Variants in NME7 observed in about 807,000 individuals in gnomAD.
NME7 encodes nucleoside diphosphate kinase 7.
NME7 carries 41 observed loss-of-function variants against 49.1 expected under a neutral mutation model. The ratio of observed to expected loss-of-function variants is 0.83; its 90% CI spans 0.65 to 1.08. NME7 has a LOEUF of 1.08. NME7 is among the 50% of genes least tolerant of loss of function. The probability of loss-of-function intolerance (pLI) is 0.00; values close to 1 mark genes in which losing one functional copy is unlikely to be tolerated. For synonymous variants in NME7, 139 were observed against 150.6 expected (o/e 0.92, Z 0.56); for missense variants, 423 against 463.4 (o/e 0.91, Z 0.80).
chr1:169,334,008 C>G (rs1218892721), intron 1 of NME7, among the ~76,000 whole-genome samples: 1 of 152,176 alleles, frequency 6.6e-6, no homozygotes, highest in Non-Finnish European at 1.5e-5. Context: ...AAAATTACTT[C>G]ACAATAGGCA....
At chr1:169,243,846 G>T (rs10919106) in intron 7 of NME7, among the ~76,000 whole-genome samples, 57,335 of 151,928 alleles carry the variant, frequency 0.38, 11,528 homozygotes, top group East Asian at 0.79. Flanking sequence ...GAAAGTACTA[G>T]TATAATCTTC....
chr1:169,347,631 T>C (rs1477833079), intron 1 of NME7, among the ~76,000 whole-genome samples: 2 of 152,192 alleles, frequency 1.3e-5, no homozygotes, highest in African/African-American at 2.4e-5. Flanking sequence ...TATTCTTTTT[T>C]CTTTCAAGAA....
chr1:169,255,023 A>C (rs1285656039), intron 7 of NME7, among the ~76,000 whole-genome samples: 1 of 132,680 alleles, frequency 7.5e-6, no homozygotes, highest in Non-Finnish European at 1.7e-5. Context: ...TGTGGTGCTG[A>C]AAAAAATGTA....
At chr1:169,224,406 T>A (rs1661239724) in intron 10 of NME7, among the ~76,000 whole-genome samples, 1 of 152,192 alleles carries the variant, frequency 6.6e-6, no homozygotes, top group African/African-American at 2.4e-5. Flanking sequence ...TCTTTCCAAG[T>A]CTGAACCTTC....
intron 1 of NME7, among the ~76,000 whole-genome samples, chr1:169,326,217 G>A (rs1202148312): frequency 3.9e-5 from 6 of 152,058 alleles, no homozygotes; most frequent in Admixed American, 3.9e-4. Flanking sequence ...TCTGAATTGG[G>A]CAGCAGAATT....
chr1:169,186,311 T>A (rs1436316405), intron 10 of NME7, among the ~76,000 whole-genome samples: 2 of 152,130 alleles, frequency 1.3e-5, no homozygotes, highest in African/African-American at 4.8e-5. Context: ...TAGACACTAT[T>A]TTGCAACTTA....
At chr1:169,352,771 C>A (rs1653225112) in intron 1 of NME7, among the ~76,000 whole-genome samples, 1 of 151,652 alleles carries the variant, frequency 6.6e-6, no homozygotes, top group African/African-American at 2.4e-5. Flanking sequence ...CAACAGTGAA[C>A]AATCTGAAAA....
intron 5 of NME7, among the ~76,000 whole-genome samples, chr1:169,300,982 C>T (rs1174217426): frequency 6.6e-6 from 1 of 152,028 alleles, no homozygotes; most frequent in Non-Finnish European, 1.5e-5. Flanking sequence ...TATAAGAATC[C>T]TAGAAGAAAA....
In NME7 at chr1:169,267,298, G is replaced by A. The variant is rs111555609; in HGVS notation, c.754+20005C>T. 3.0e-5 allele frequency among the ~76,000 whole-genome samples: 4 copies of A among 133,394 alleles called. 1 individual carries two copies. The highest frequency in any genetic ancestry group is 1.0e-4 in the African/African-American group (4 of 39,380). 87.5% of individuals were successfully genotyped at this position (133,394 alleles called of 152,430 possible). Reference sequence around the variant, plus strand: ...ACAAACAAATGTAAGAACATTCCATGCTCTTAGATGGGAAGAATCAATATC... The same window carrying A: ...ACAAACAAATGTAAGAACATTCCATACTCTTAGATGGGAAGAATCAATATC... On this transcript the variant is annotated intron_variant, in intron 7 of 11. Transcript: ENST00000367811.
At chr1:169,214,732 G>A (rs1660927828) in intron 10 of NME7, among the ~76,000 whole-genome samples, 1 of 152,226 alleles carries the variant, frequency 6.6e-6, no homozygotes, top group Non-Finnish European at 1.5e-5. Context: ...TGCCTTGTGG[G>A]AGGGCATGCG....
rs1244908271 is a variant in NME7 at position 169,323,245 on chromosome 1, G to T, written c.150C>A (p.Thr50=). The T allele has an allele frequency of 6.2e-7, 1 of 1,603,576 alleles. No individual in the cohort carries two copies. The highest frequency in any genetic ancestry group is 1.7e-5 in the Admixed American group (1 of 58,430). ...CTTCCAAGTGCAGGTTATCATATTT[G>T]GTCCGCTTTAAAAAGGTGCGATGAT... The part of the protein sequence containing the change: ...VKNHRTFLKR[T]KYDNLHLEDL... Residue 50 remains threonine (T), a synonymous_variant, in exon 3 of 12, where the codon ACC becomes ACA. Transcript: ENST00000367811.
intron 10 of NME7, among the ~76,000 whole-genome samples, chr1:169,200,182 T>C (rs917523551): frequency 2.0e-5 from 3 of 152,044 alleles, no homozygotes; most frequent in African/African-American, 7.2e-5. Flanking sequence ...ATTTTATATA[T>C]CACTATATAA....
At chr1:169,220,498 G>A (rs12021696) in intron 10 of NME7, among the ~76,000 whole-genome samples, 12,580 of 152,038 alleles carry the variant, frequency 0.083, 703 homozygotes, top group Admixed American at 0.19. Context: ...ACTAATATAC[G>A]ACATTGAGAT....
intron 3 of NME7, among the ~76,000 whole-genome samples, chr1:169,314,164 T>C (rs777199636): frequency 6.6e-6 from 1 of 151,768 alleles, no homozygotes; most frequent in Non-Finnish European, 1.5e-5. Flanking sequence ...ACAGAATGTT[T>C]GAGATAAAAG....
chr1:169,139,481 C>T (rs961651850), intron 11 of NME7, among the ~76,000 whole-genome samples: 31 of 152,230 alleles, frequency 2.0e-4, no homozygotes, highest in Non-Finnish European at 4.4e-5. Context: ...ACTCCTAGCC[C>T]TGCCATCTCC....
intron 10 of NME7, among the ~76,000 whole-genome samples, chr1:169,189,743 T>C (rs1189108932): frequency 6.6e-6 from 1 of 152,186 alleles, no homozygotes; most frequent in African/African-American, 2.4e-5. Context: ...CAAATATTCA[T>C]TCTCAATTAA....
rs1227965132 is a variant in NME7, at chr1:169,267,830, T to G, written c.754+19473A>C. 3.8e-5 allele frequency among the ~76,000 whole-genome samples: 5 copies of G among 132,624 alleles called. 1 individual carries two copies. The allele number at this position is 132,624 out of a possible 152,430, so 87.0% of individuals were successfully genotyped here. ...ACCTAAATAAAACCTAAAACCTAAA[T>G]AAAAACCCTAAAGGATAACCTAGGA... On this transcript the variant is annotated intron_variant, in intron 7 of 11. Transcript: ENST00000367811.
intron 4 of NME7, among the ~76,000 whole-genome samples, chr1:169,304,594 G>C (rs1651101823): frequency 6.6e-6 from 1 of 152,140 alleles, no homozygotes. Context: ...AAATTTTCTA[G>C]AGCCAATTAT....
chr1:169,173,829 G>T (rs1329089829), intron 10 of NME7, among the ~76,000 whole-genome samples: 1 of 152,092 alleles, frequency 6.6e-6, no homozygotes, highest in Non-Finnish European at 1.5e-5. Flanking sequence ...GCAATTATGA[G>T]ATCATAAAAG....
Sources: allele counts gnomAD v4.1 joint callset (sites outside exome capture counted in the v4.1 genomes callset), GRCh38; gene constraint gnomAD v4.1.1; transcripts MANE v1.5; gene names NCBI Gene and HGNC (gene_info 2026-07-23, HGNC 2026-07-21).